The following METTL15 variants were observed in gnomAD, a reference collection of about 807,000 sequenced individuals.
METTL15 encodes methyltransferase 15, mitochondrial 12S rRNA N4-cytidine.
In METTL15, 34 loss-of-function variants were observed where a neutral mutation model predicts 38.3. The observed-to-expected ratio is 0.89, with a 90% CI of 0.68 to 1.18. The LOEUF is 1.18. METTL15 is among the 50% of genes most tolerant of loss of function. The pLI is 0.00. For synonymous variants in METTL15, 162 were observed against 170.9 expected, an observed-to-expected ratio of 0.95 and a Z score of 0.41; for missense variants, 438 against 498.4, an observed-to-expected ratio of 0.88 and a Z score of 1.15.
At chr11:28,371,503 T>A (rs1292952149) in intron 5 of METTL15, among the ~76,000 whole-genome samples, 1 of 152,072 alleles carries the variant, frequency 6.6e-6, no homozygotes, top group Non-Finnish European at 1.5e-5. Flanking sequence ...TTGCTTTGGC[T>A]ATTTGTGCTC....
intron 4 of METTL15, among the ~76,000 whole-genome samples, chr11:28,231,598 A>G (rs973925405): frequency 6.6e-6 from 1 of 151,774 alleles, no homozygotes; most frequent in East Asian, 1.9e-4. Flanking sequence ...CATCTCTTAC[A>G]ATTTTACAAC....
chr11:28,152,087 T>C (rs11030229), intron 3 of METTL15, among the ~76,000 whole-genome samples: 57,660 of 151,842 alleles, frequency 0.38, 12,571 homozygotes, highest in African/African-American at 0.6. Flanking sequence ...GACTTTTAGA[T>C]TTTCCCTTCT....
At chr11:28,258,360 G>A (rs1265484723) in intron 4 of METTL15, among the ~76,000 whole-genome samples, 3 of 152,112 alleles carry the variant, frequency 2.0e-5, no homozygotes, top group African/African-American at 7.2e-5. Context: ...GTTGCCCAAG[G>A]CCTCCTATAA....
intron 5 of METTL15, among the ~76,000 whole-genome samples, chr11:28,379,588 T>C (rs927760634): frequency 6.6e-6 from 1 of 152,188 alleles, no homozygotes; most frequent in Non-Finnish European, 1.5e-5. Flanking sequence ...ATATAATTAC[T>C]ACTTTTTATA....
chr11:28,434,513 A>G (rs759211332), intron 6 of METTL15, among the ~76,000 whole-genome samples: 2 of 152,206 alleles, frequency 1.3e-5, no homozygotes, highest in Non-Finnish European at 2.9e-5. Flanking sequence ...AAATTTAGAG[A>G]TGTCCATCTA....
chr11:28,359,880 T>G (rs1311080378), intron 4 of METTL15, among the ~76,000 whole-genome samples: 4 of 152,230 alleles, frequency 2.6e-5, no homozygotes, highest in Non-Finnish European at 5.9e-5. Context: ...ACTTCTAAAC[T>G]GCATTAATAT....
At chr11:28,321,378 G>T (rs533546437) in intron 6 of METTL15, among the ~76,000 whole-genome samples, 19 of 152,232 alleles carry the variant, frequency 1.2e-4, no homozygotes. Context: ...GAAGGTCAGT[G>T]ACATTTCCAT....
intron 7 of METTL15, chr11:28,526,555 CT>C (rs1156707975): frequency 2.6e-5 from 4 of 152,226 alleles, no homozygotes; most frequent in Non-Finnish European, 5.9e-5. Context: ...TTGAGAGTCC[CT>C]GTTACATGAG....
At chr11:28,240,412 A>G (rs2133903450) in intron 4 of METTL15, among the ~76,000 whole-genome samples, 1 of 152,338 alleles carries the variant, frequency 6.6e-6, no homozygotes, top group African/African-American at 2.4e-5. Flanking sequence ...TGTAAAAATA[A>G]CAATAGCTAA....
intron 4 of METTL15, among the ~76,000 whole-genome samples, chr11:28,241,168 G>A (rs1293188252): frequency 6.6e-6 from 1 of 152,136 alleles, no homozygotes; most frequent in South Asian, 2.1e-4. Context: ...TTAACTTCTA[G>A]CAAGGCAGAT....
intron 3 of METTL15, among the ~76,000 whole-genome samples, chr11:28,339,544 A>AC (rs1372249538): frequency 6.6e-6 from 1 of 151,736 alleles, no homozygotes; most frequent in Non-Finnish European, 1.5e-5. Context: ...AAAAAAAAAA[A>AC]AACTGTACAA....
chr11:28,138,936 T>C (rs1173784714), intron 3 of METTL15, among the ~76,000 whole-genome samples: 1 of 152,196 alleles, frequency 6.6e-6, no homozygotes, highest in Non-Finnish European at 1.5e-5. Flanking sequence ...CCAGATTGGC[T>C]ACAGCCTAAG....
At chr11:28,206,442 G>C (rs1252600970) in intron 3 of METTL15, among the ~76,000 whole-genome samples, 10 of 151,938 alleles carry the variant, frequency 6.6e-5, no homozygotes, top group Admixed American at 3.3e-4. Context: ...ATTTCTGAGG[G>C]CTCTGTTCTG....
At chr11:28,137,044 A>G (rs939561938) in intron 3 of METTL15, among the ~76,000 whole-genome samples, 3 of 818 alleles carry the variant, frequency 3.7e-3, no homozygotes, top group Non-Finnish European at 0.083. Flanking sequence ...GGAACTTTAT[A>G]GATAATTTTT....
downstream of METTL15, among the ~76,000 whole-genome samples, chr11:28,529,085 A>G (rs1851829754): frequency 2.0e-5 from 3 of 152,214 alleles, no homozygotes; most frequent in African/African-American, 2.4e-5. Flanking sequence ...GGATGAAGAC[A>G]TAGGTGGAAA....
intron 4 of METTL15, among the ~76,000 whole-genome samples, chr11:28,354,278 T>C (rs1461476312): frequency 1.3e-5 from 2 of 152,172 alleles, no homozygotes; most frequent in African/African-American, 4.8e-5. Context: ...GAACCCTTTT[T>C]CCCCTTTGCC....
rs115126132 is a variant in METTL15, at chr11:28,508,070, G to A, written c.*425-18408G>A. On this transcript the variant is annotated intron_variant and NMD_transcript_variant, in intron 6 of 7. Transcript: ENST00000532947. ...CTAATTTCTAACGTCATTTTTTCCC[G>A]TCCTGTACTACAGTTGTAAAATGCT... 3.4e-3 allele frequency among the ~76,000 whole-genome samples: 522 copies of A among 152,016 alleles called. 1 individual carries two copies. Among genetic ancestry groups the A allele is most frequent in the African/African-American group, 0.011 (471 of 41,456 alleles).
intron 5 of METTL15, among the ~76,000 whole-genome samples, chr11:28,391,414 AT>A (rs1483593052): frequency 6.6e-6 from 1 of 152,074 alleles, no homozygotes; most frequent in Non-Finnish European, 1.5e-5. Flanking sequence ...ATCAATACCT[AT>A]TTTATTGAGA....
chr11:28,395,445 C>T (rs1266732208), intron 5 of METTL15, among the ~76,000 whole-genome samples: 4 of 152,068 alleles, frequency 2.6e-5, no homozygotes, highest in African/African-American at 9.7e-5. Context: ...CCAGGTTCCT[C>T]ACCCCACCTA....
Sources: allele counts gnomAD v4.1 joint callset (sites outside exome capture counted in the v4.1 genomes callset), GRCh38; gene constraint gnomAD v4.1.1; transcripts MANE v1.5; gene names NCBI Gene and HGNC (gene_info 2026-07-23, HGNC 2026-07-21).